The following RGS7 variants were observed in gnomAD, a reference collection of about 807,000 sequenced individuals.
RGS7 encodes the protein regulator of G protein signaling 7.
Under a neutral mutation model 81.1 loss-of-function variants are expected in RGS7, and 27 were observed. The observed-to-expected ratio is 0.33, with a 90% CI of 0.25 to 0.46. The LOEUF (loss-of-function observed/expected upper bound fraction) is 0.46. Among genes scored for constraint, RGS7 ranks in the 20% least tolerant of loss-of-function variants. RGS7 has a pLI of 1.00. For missense variants in RGS7, 396 were observed against 607.4 expected (o/e 0.65, Z 3.66); for synonymous variants, 208 against 207.7 (o/e 1.00, Z -0.01).
At chr1:241,336,984 G>A (rs2082278990) in intron 2 of RGS7, among the ~76,000 whole-genome samples, 1 of 152,124 alleles carries the variant, frequency 6.6e-6, no homozygotes, top group African/African-American at 2.4e-5. Context: ...TAGGGAAGTA[G>A]CTTGGTATAG....
At chr1:241,124,782 T>C (rs527552682) in intron 2 of RGS7, among the ~76,000 whole-genome samples, 1 of 152,280 alleles carries the variant, frequency 6.6e-6, no homozygotes, top group East Asian at 1.9e-4. Context: ...ATGTGAGACA[T>C]ATCTCGGGAC....
intron 2 of RGS7, among the ~76,000 whole-genome samples, chr1:241,330,298 C>T (rs1047237560): frequency 6.6e-6 from 1 of 152,128 alleles, no homozygotes; most frequent in Non-Finnish European, 1.5e-5. Context: ...ATATGACCTG[C>T]TATTAGTGGT....
chr1:240,965,858 A>T (rs1227952872), intron 4 of RGS7, among the ~76,000 whole-genome samples: 1 of 152,206 alleles, frequency 6.6e-6, no homozygotes, highest in Non-Finnish European at 1.5e-5. Flanking sequence ...GCTCTTGGAC[A>T]TCTGTTAGTA....
intron 3 of RGS7, among the ~76,000 whole-genome samples, chr1:241,097,705 A>C (rs2064376591): frequency 6.6e-6 from 1 of 152,184 alleles, no homozygotes; most frequent in South Asian, 2.1e-4. Flanking sequence ...AGCACATCCC[A>C]GGCCCCAAAA....
intron 10 of RGS7, among the ~76,000 whole-genome samples, chr1:240,824,659 C>T (rs957861207): frequency 6.6e-5 from 10 of 152,234 alleles, no homozygotes; most frequent in Admixed American, 3.9e-4. Context: ...GCACGAATCA[C>T]GTACACTCCC....
chr1:241,185,539 A>AT (rs35634025), intron 2 of RGS7, among the ~76,000 whole-genome samples: 3 of 152,136 alleles, frequency 2.0e-5, no homozygotes, highest in Non-Finnish European at 4.4e-5. Context: ...CAGAATATAC[A>AT]TTTTTTTCAA....
intron 2 of RGS7, among the ~76,000 whole-genome samples, chr1:241,352,666 T>A (rs2083320032): frequency 2.6e-5 from 4 of 152,220 alleles, no homozygotes; most frequent in Admixed American, 2.6e-4. Context: ...TAGGGTGATA[T>A]CCACTCTACC....
At chr1:240,988,481 A>T (rs1685995407) in intron 3 of RGS7, among the ~76,000 whole-genome samples, 1 of 152,156 alleles carries the variant, frequency 6.6e-6, no homozygotes, top group African/African-American at 2.4e-5. Context: ...AAATGAAGTG[A>T]TTTGCTTAAA....
intron 2 of RGS7, among the ~76,000 whole-genome samples, chr1:241,103,752 T>C (rs531687639): frequency 6.6e-6 from 1 of 152,238 alleles, no homozygotes; most frequent in Admixed American, 6.5e-5. Flanking sequence ...CAAGCACCTG[T>C]GATCCCAGCT....
intron 3 of RGS7, among the ~76,000 whole-genome samples, chr1:241,012,120 GGT>G (rs2058987728): frequency 6.6e-6 from 1 of 152,084 alleles, no homozygotes; most frequent in African/African-American, 2.4e-5. Context: ...GTAATGGGGT[GGT>G]GTGGAGGAAG....
chr1:240,823,577 AC>A (rs1692221154), intron 10 of RGS7: 1 of 158,746 alleles, frequency 6.3e-6, no homozygotes, highest in Non-Finnish European at 1.4e-5. Context: ...GCGGGGGCGC[AC>A]CAGGGGCCTG....
At chr1:240,784,515 G>C (rs930644994) in intron 18 of RGS7, among the ~76,000 whole-genome samples, 1 of 148,472 alleles carries the variant, frequency 6.7e-6, no homozygotes, top group South Asian at 2.2e-4. Flanking sequence ...GCGTGGTGGC[G>C]GGCGCCTGTA....
At chr1:241,272,857 T>A (rs1481036681) in intron 2 of RGS7, among the ~76,000 whole-genome samples, 1 of 152,230 alleles carries the variant, frequency 6.6e-6, no homozygotes, top group Non-Finnish European at 1.5e-5. Context: ...AAAAAAATTC[T>A]CCATTTCTGA....
chr1:241,281,468 GTT>G (rs1231083153), intron 2 of RGS7, among the ~76,000 whole-genome samples: 2 of 152,170 alleles, frequency 1.3e-5, no homozygotes, highest in African/African-American at 4.8e-5. Flanking sequence ...TTTTCATCAT[GTT>G]TAGTGCAAAC....
At chr1:241,224,003 CAA>C (rs34609438) in intron 2 of RGS7, among the ~76,000 whole-genome samples, 16 of 129,140 alleles carry the variant, frequency 1.2e-4, no homozygotes, top group Non-Finnish European at 1.3e-4. Context: ...TGGGTCCCTC[CAA>C]AAAAAAAAAA....
chr1:241,108,302 C>CAAAAA (rs34848063), intron 2 of RGS7, among the ~76,000 whole-genome samples: 2 of 70,890 alleles, frequency 2.8e-5, no homozygotes, highest in African/African-American at 4.7e-5. Flanking sequence ...GACTCCGTCT[C>CAAAAA]AAAAAAAAAA....
intron 5 of RGS7, among the ~76,000 whole-genome samples, chr1:240,933,104 C>T (rs149497983): frequency 7.1e-6 from 1 of 141,836 alleles, no homozygotes; most frequent in Non-Finnish European, 1.5e-5. Context: ...GGATGGTCTC[C>T]ATCTCCTGAC....
At chr1:241,346,340 G>A (rs990458826) in intron 2 of RGS7, among the ~76,000 whole-genome samples, 7 of 152,148 alleles carry the variant, frequency 4.6e-5, no homozygotes, top group Non-Finnish European at 1.5e-5. Flanking sequence ...TATCTGCACT[G>A]TCCAAAACTC....
chr1:241,174,159 T>C (rs2070937687), intron 2 of RGS7, among the ~76,000 whole-genome samples: 1 of 152,208 alleles, frequency 6.6e-6, no homozygotes, highest in Admixed American at 6.5e-5. Flanking sequence ...CTCTTTTTCA[T>C]GAATAGGTTG....
Sources: gnomAD v4.1 joint callset for allele counts (sites outside exome capture counted in the v4.1 genomes callset) on GRCh38, gnomAD v4.1.1 for gene constraint, MANE v1.5 for transcripts, NCBI Gene and HGNC (gene_info 2026-07-23, HGNC 2026-07-21) for gene names.